EML6: variants seen among roughly 807,000 people sequenced by gnomAD.
The protein encoded by EML6 is echinoderm microtubule-associated protein-like 6.
Under a neutral mutation model 240.1 loss-of-function variants are expected in EML6, and 154 were observed. The observed-to-expected ratio is 0.64, with a 90% CI of 0.56 to 0.73. The LOEUF (loss-of-function observed/expected upper bound fraction) is 0.73. Among genes scored for constraint, EML6 ranks in the 30% least tolerant of loss-of-function variants. The pLI, the probability that EML6 is intolerant of heterozygous loss-of-function variation, is 0.00. For synonymous variants in EML6, 1,148 were observed against 899.0 expected, an observed-to-expected ratio of 1.28 and a Z score of -4.95; for missense variants, 2,964 against 2,474.6, an observed-to-expected ratio of 1.20 and a Z score of -4.20.
At chr2:54,927,873 T>C (rs1674639382) in intron 26 of EML6, among the ~76,000 whole-genome samples, 1 of 152,232 alleles carries the variant, frequency 6.6e-6, no homozygotes, top group Non-Finnish European at 1.5e-5. Flanking sequence ...TTATAAGATA[T>C]CCTTTGCTCT....
intron 16 of EML6, among the ~76,000 whole-genome samples, chr2:54,873,106 G>C (rs1481576467): frequency 6.6e-6 from 1 of 152,192 alleles, no homozygotes; most frequent in African/African-American, 2.4e-5. Context: ...ACTTTGTCTT[G>C]CCTTTCCCTA....
intron 3 of EML6, among the ~76,000 whole-genome samples, chr2:54,813,652 C>A (rs756640584): frequency 6.6e-6 from 1 of 152,194 alleles, no homozygotes. Flanking sequence ...TCATGGTGAT[C>A]AGGTTCACCA....
At chr2:54,883,873 A>G (rs1459335091) in intron 17 of EML6, among the ~76,000 whole-genome samples, 1 of 152,176 alleles carries the variant, frequency 6.6e-6, no homozygotes, top group Non-Finnish European at 1.5e-5. Flanking sequence ...TAGCCACTTT[A>G]TAACTAGCCA....
chr2:54,795,628 TCCTCAGTGGG>T (rs149268349), intron 2 of EML6, among the ~76,000 whole-genome samples: 4,961 of 152,250 alleles, frequency 0.033, 114 homozygotes, highest in Admixed American at 0.079. Context: ...GGGTCTGGCG[TCCTCAGTGGG>T]CCTCAGTACT....
chr2:54,789,533 A>AAAAAG (rs1669304079), intron 2 of EML6, among the ~76,000 whole-genome samples: 2 of 143,948 alleles, frequency 1.4e-5, no homozygotes, highest in African/African-American at 4.9e-5. Context: ...AAAAAAAAAA[A>AAAAAG]AAAAAAAAAA....
Position 54,725,028 on chromosome 2 carries a change from C to A in EML6, c.-34C>A, listed in dbSNP as rs1558508087. 6.8e-7 allele frequency: 1 copy of A among 1,468,262 alleles called. No individual in the cohort carries two copies. The highest frequency in any genetic ancestry group is 9.0e-7 in the Non-Finnish European group (1 of 1,110,520). The allele number at this position is 1,468,262 out of a possible 1,614,324, so 91.0% of individuals were successfully genotyped here. On this transcript the variant is annotated 5_prime_UTR_variant, in exon 2 of 42. Transcript: ENST00000356458. This position sits in a 1 kb window ranked among gnomAD's most constrained non-coding sequence, Gnocchi z 4.3. ...CCTCGGCGAGGACGGCCCCGGCGCGCGGGGGGGCGGGGGGCGCGCGGGGTC... is the reference window on the plus strand; with the variant it reads ...CCTCGGCGAGGACGGCCCCGGCGCGAGGGGGGGCGGGGGGCGCGCGGGGTC...
chr2:54,870,290 T>C lies in EML6; in HGVS notation c.2238+923T>C, dbSNP rs557909910. 6.0e-5 allele frequency among the ~76,000 whole-genome samples: 9 copies of C among 150,010 alleles called. 2 individuals carry two copies. Among genetic ancestry groups the C allele is most frequent in the African/African-American group, 2.2e-4 (9 of 41,378 alleles). On this transcript the variant is annotated intron_variant, in intron 15 of 41. Transcript: ENST00000356458. ...GGGGAGTCAACCCCTTAAAAAGTTG[T>C]ATTTGGGGGAAAAAGGATCCATAGC...
chr2:54,846,660 C>A (rs28650947), intron 8 of EML6, among the ~76,000 whole-genome samples: 22,675 of 151,620 alleles, frequency 0.15, 2,381 homozygotes, highest in African/African-American at 0.3. Context: ...TTTTTAAAAT[C>A]TTTTTTAGAG....
Position 54,863,892 on chromosome 2 carries a change from C to T in EML6, c.1932+3C>T, listed in dbSNP as rs2358155. The T allele has an allele frequency of 0.26, 384,347 of 1,505,654 alleles. 51,493 individuals carry two copies. Among genetic ancestry groups the T allele is most frequent in the Non-Finnish European group, 0.28 (307,116 of 1,110,824 alleles). The allele number at this position is 1,505,654 out of a possible 1,614,324, so 93.3% of individuals were successfully genotyped here. The stretch of plus-strand genomic sequence containing the variant: ...CTCAAATCAATTATGATCGCCAGGT[C>T]GGTAAGCAGGGAGCAATGAAAATTT... On this transcript the variant is annotated splice_donor_region_variant and intron_variant, in intron 13 of 41. Transcript: ENST00000356458.
intron 11 of EML6, among the ~76,000 whole-genome samples, chr2:54,858,692 A>C (rs561418148): frequency 5.3e-5 from 8 of 152,350 alleles, no homozygotes; most frequent in Non-Finnish European, 2.9e-5. Context: ...GCTCTCAAAA[A>C]ATGTATGAGC....
intron 34 of EML6, 124 bp downstream of exon 34, chr2:54,959,385 G>T (rs1196012402): frequency 1.1e-6 from 1 of 923,636 alleles, no homozygotes; most frequent in Non-Finnish European, 1.6e-6. Flanking sequence ...GCATTAGGAA[G>T]ATCAGTCTGC....
At chr2:54,794,639 A>G (rs1477143209) in intron 2 of EML6, among the ~76,000 whole-genome samples, 1 of 152,154 alleles carries the variant, frequency 6.6e-6, no homozygotes, top group East Asian at 1.9e-4. Flanking sequence ...GCCCTTGCAT[A>G]ATGCCCCTTT....
intron 3 of EML6, 66 bp from the exon 4 acceptor site, chr2:54,816,721 A>C: frequency 8.2e-7 from 1 of 1,221,966 alleles, no homozygotes; most frequent in Non-Finnish European, 1.2e-6. Flanking sequence ...AATAGTAACT[A>C]TTTCTTAACG....
rs1676836259 is a variant in EML6 at position 54,968,269 on chromosome 2, C to T, written c.5739C>T (p.Cys1913=). The change falls in exon 40 of 42, where the codon TGC becomes TGT. Residue 1913 remains cysteine (C), a synonymous_variant. Transcript: ENST00000356458. ...TGGTGAAGCTCTTTGATTTTCCATG[C>T]ACAGAAAAATTTGTGAGTGTTCCTC... ...FGLVKLFDFP[C]TEKFAKHKRY... is the part of the protein sequence containing the mutation. 1.3e-6 allele frequency: 2 copies of T among 1,551,594 alleles called. No homozygotes were observed. The highest frequency in any genetic ancestry group is 1.2e-5 in the South Asian group (1 of 84,066).
At chr2:54,921,409 C>T (rs778168687) in intron 26 of EML6, among the ~76,000 whole-genome samples, 1 of 152,054 alleles carries the variant, frequency 6.6e-6, no homozygotes. Flanking sequence ...GTAAGACACT[C>T]ATGAAATAAA....
At chr2:54,819,706 G>A (rs974526868) in intron 4 of EML6, among the ~76,000 whole-genome samples, 7 of 146,480 alleles carry the variant, frequency 4.8e-5, no homozygotes, top group Non-Finnish European at 9.1e-5. Context: ...AACCTGGGAA[G>A]CGGAGTTGCA....
chr2:54,920,501 A>G (rs138900994), intron 26 of EML6, among the ~76,000 whole-genome samples: 1,894 of 152,344 alleles, frequency 0.012, 26 homozygotes, highest in Middle Eastern at 0.024. Context: ...TGCACAAGAG[A>G]TTGAATCTGT....
chr2:54,942,477 C>G (rs1261424679), intron 28 of EML6, among the ~76,000 whole-genome samples: 1 of 152,042 alleles, frequency 6.6e-6, no homozygotes, highest in Non-Finnish European at 1.5e-5. Flanking sequence ...GTTGATCTGC[C>G]TCCTGTCAAT....
intron 5 of EML6, among the ~76,000 whole-genome samples, chr2:54,824,393 A>G (rs1452627058): frequency 6.6e-6 from 1 of 152,182 alleles, no homozygotes; most frequent in East Asian, 1.9e-4. Flanking sequence ...TAGAAATATA[A>G]TACATTTAAG....
Sources: gnomAD v4.1 joint callset for allele counts (sites outside exome capture counted in the v4.1 genomes callset) on GRCh38, gnomAD v4.1.1 for gene constraint, Gnocchi (gnomAD v3.1) non-coding constraint, MANE v1.5 for transcripts, NCBI Gene and HGNC (gene_info 2026-07-23, HGNC 2026-07-21) for gene names.